The following SNX9 variants were observed in gnomAD, a reference collection of about 807,000 sequenced individuals.
The protein encoded by SNX9 is sorting nexin 9, also known as sorting nexin-9.
Under a neutral mutation model 89.4 loss-of-function variants are expected in SNX9, and 44 were observed. That is an observed-to-expected ratio of 0.49 (90% confidence interval 0.39 to 0.63). The LOEUF (loss-of-function observed/expected upper bound fraction) is 0.63, where lower values mean the gene tolerates loss of function less well. Ranked by LOEUF, SNX9 falls within the 30% of genes least tolerant of loss-of-function variation. The probability of loss-of-function intolerance (pLI) is 0.00; values close to 1 mark genes in which losing one functional copy is unlikely to be tolerated. For synonymous variants in SNX9, 236 were observed against 247.8 expected, an observed-to-expected ratio of 0.95 and a Z score of 0.45; for missense variants, 578 against 736.1, an observed-to-expected ratio of 0.79 and a Z score of 2.49.
chr6:157,942,452 A>G (rs1371156307), intron 17 of SNX9, among the ~76,000 whole-genome samples: 1 of 152,224 alleles, frequency 6.6e-6, no homozygotes. Context: ...CTCCTCCAGG[A>G]AAGAGGGGGC....
At chr6:157,903,320 A>G (rs965713348) in intron 6 of SNX9, among the ~76,000 whole-genome samples, 1 of 152,232 alleles carries the variant, frequency 6.6e-6, no homozygotes, top group African/African-American at 2.4e-5. Flanking sequence ...ATCTAGTTTA[A>G]TAAGTCCTAC....
chr6:157,912,483 C>T (rs766310994), intron 9 of SNX9, among the ~76,000 whole-genome samples: 13 of 152,180 alleles, frequency 8.5e-5, no homozygotes, highest in Non-Finnish European at 1.8e-4. Context: ...AAGAAAGCAG[C>T]AGCCCCTCGG....
intron 4 of SNX9, chr6:157,885,360 T>C (rs1782711951): frequency 6.6e-6 from 1 of 152,232 alleles, no homozygotes; most frequent in African/African-American, 2.4e-5. Flanking sequence ...GATTCATCTG[T>C]AGAATTAGGT....
intron 1 of SNX9, among the ~76,000 whole-genome samples, chr6:157,829,721 C>A (rs1217542709): frequency 6.6e-6 from 1 of 152,088 alleles, no homozygotes; most frequent in Admixed American, 6.5e-5. Context: ...TGCATTTTTT[C>A]TTAAAGACTA....
At chr6:157,837,092 T>C (rs1332898423) in intron 1 of SNX9, among the ~76,000 whole-genome samples, 1 of 152,248 alleles carries the variant, frequency 6.6e-6, no homozygotes, top group Non-Finnish European at 1.5e-5. Flanking sequence ...TGTGTCTTGC[T>C]TAAAGGATTA....
intron 1 of SNX9, among the ~76,000 whole-genome samples, chr6:157,853,482 A>G (rs1224179566): frequency 1.3e-5 from 2 of 152,058 alleles, no homozygotes; most frequent in African/African-American, 4.8e-5. Context: ...TGTAGGTTAT[A>G]GTTTTCACAA....
At chr6:157,880,930 G>A (rs888440361) in intron 4 of SNX9, among the ~76,000 whole-genome samples, 3 of 152,318 alleles carry the variant, frequency 2.0e-5, no homozygotes, top group South Asian at 4.1e-4. Flanking sequence ...GAGTTCTAAA[G>A]TATTTAGAAG....
intron 1 of SNX9, among the ~76,000 whole-genome samples, chr6:157,865,887 T>G (rs1252101853): frequency 6.6e-6 from 1 of 151,970 alleles, no homozygotes; most frequent in Non-Finnish European, 1.5e-5. Flanking sequence ...ATTGTTAAAT[T>G]AGTGCACTTG....
chr6:157,940,483 T>C (rs1784015579), intron 16 of SNX9, among the ~76,000 whole-genome samples: 1 of 152,220 alleles, frequency 6.6e-6, no homozygotes, highest in Non-Finnish European at 1.5e-5. Flanking sequence ...AGTGGTGCAA[T>C]CCCGGCTCAC....
intron 12 of SNX9, among the ~76,000 whole-genome samples, chr6:157,928,943 G>GTAAT (rs1783752555): frequency 6.6e-6 from 1 of 152,148 alleles, no homozygotes; most frequent in East Asian, 1.9e-4. Context: ...ATTAGTTCCA[G>GTAAT]TAATTTGGGG....
At chr6:157,884,447 C>G (rs1315988889) in intron 4 of SNX9, among the ~76,000 whole-genome samples, 1 of 152,116 alleles carries the variant, frequency 6.6e-6, no homozygotes, top group Non-Finnish European at 1.5e-5. Context: ...AAAAGAAACC[C>G]TCACAAAGGT....
At chr6:157,825,064 A>G (rs1781315749) in intron 1 of SNX9, among the ~76,000 whole-genome samples, 1 of 152,146 alleles carries the variant, frequency 6.6e-6, no homozygotes, top group South Asian at 2.1e-4. Flanking sequence ...CCTGGCCAAT[A>G]TGGTGAAACC....
At chr6:157,858,371 C>T (rs896801187) in intron 1 of SNX9, among the ~76,000 whole-genome samples, 2 of 151,560 alleles carry the variant, frequency 1.3e-5, no homozygotes, top group Admixed American at 6.6e-5. Context: ...CTCAGCCTAG[C>T]GAGTAGCTAG....
At chr6:157,833,956 G>A (rs370186167) in intron 1 of SNX9, among the ~76,000 whole-genome samples, 12 of 152,074 alleles carry the variant, frequency 7.9e-5, no homozygotes, top group Admixed American at 6.5e-4. Context: ...CAAGGAGACA[G>A]GAGTTGGACT....
rs544623144 is a variant in SNX9 at position 157,943,041 on chromosome 6, T to G, written c.*203T>G. ...GGTCTTTTGTTCATTTCCGCATCCA[T>G]TATTTAAACCAGTGGAAATTGTCTC... On this transcript the variant is annotated 3_prime_UTR_variant, in exon 18 of 18. Coordinates refer to ENST00000392185, the MANE Select transcript of SNX9 (RefSeq NM_016224.5). The G allele has an allele frequency of 1.0e-5, 5 of 486,030 alleles. No individual in the cohort carries two copies. Among genetic ancestry groups the G allele is most frequent in the Admixed American group, 4.0e-5 (1 of 25,264 alleles). The allele number at this position is 486,030 out of a possible 1,614,324, so 30.1% of individuals were successfully genotyped here.
intron 10 of SNX9, among the ~76,000 whole-genome samples, chr6:157,926,145 A>T (rs1445654448): frequency 1.3e-5 from 2 of 152,240 alleles, no homozygotes; most frequent in Admixed American, 6.5e-5. Flanking sequence ...GAGGGAACAC[A>T]TTCAAACCAT....
chr6:157,879,985 T>A (rs772621990), intron 4 of SNX9, among the ~76,000 whole-genome samples: 5 of 152,250 alleles, frequency 3.3e-5, no homozygotes, highest in Non-Finnish European at 7.3e-5. Context: ...TCTGTCTCCT[T>A]CAAATACTAG....
chr6:157,864,895 G>GC (rs1782223500), intron 1 of SNX9, among the ~76,000 whole-genome samples: 1 of 152,184 alleles, frequency 6.6e-6, no homozygotes, highest in South Asian at 2.1e-4. Flanking sequence ...GGGTGTGGTG[G>GC]CGCATGCCTG....
chr6:157,914,338 C>A (rs1783412939), intron 9 of SNX9, among the ~76,000 whole-genome samples: 1 of 151,682 alleles, frequency 6.6e-6, no homozygotes, highest in South Asian at 2.1e-4. Flanking sequence ...TTTTATCAGT[C>A]TGTTTTCTTA....
Sources: gnomAD v4.1 joint callset for allele counts (sites outside exome capture counted in the v4.1 genomes callset) on GRCh38, gnomAD v4.1.1 for gene constraint, MANE v1.5 for transcripts, NCBI Gene and HGNC (gene_info 2026-07-23, HGNC 2026-07-21) for gene names.